The following WWP2 variants were observed in gnomAD, a reference collection of about 807,000 sequenced individuals.
WWP2 encodes WW domain containing E3 ubiquitin protein ligase 2, also known as NEDD4-like E3 ubiquitin-protein ligase WWP2.
In WWP2, 57 loss-of-function variants were observed where a neutral mutation model predicts 121.0. The ratio of observed to expected loss-of-function variants is 0.47; its 90% CI spans 0.38 to 0.59. The LOEUF (loss-of-function observed/expected upper bound fraction) is 0.59. Among genes scored for constraint, WWP2 ranks in the 20% least tolerant of loss-of-function variants. The probability of loss-of-function intolerance (pLI) is 0.00; values close to 1 mark genes in which losing one functional copy is unlikely to be tolerated. For missense variants in WWP2, 962 were observed against 1,158.9 expected, an observed-to-expected ratio of 0.83 and a Z score of 2.47; for synonymous variants, 449 against 441.3, an observed-to-expected ratio of 1.02 and a Z score of -0.22.
chr16:69,778,724 G>A (rs899078279), intron 1 of WWP2, among the ~76,000 whole-genome samples: 7 of 144,574 alleles, frequency 4.8e-5, no homozygotes, highest in Non-Finnish European at 1.1e-4. Context: ...TCACTGCAAC[G>A]TCCACCTCCC....
In WWP2 at chr16:69,931,555, C is replaced by T. The variant is rs766857670; in HGVS notation, c.1568C>T (p.Thr523Met). The stretch of plus-strand genomic sequence containing the variant: ...GTGAAGATCAGCGTTTCCAGGCAGA[C>T]GCTTTTCGAAGATTCCTTCCAACAG... ...SHVKISVSRQTLFEDSFQQIM... is the reference protein window; with the variant it reads ...SHVKISVSRQMLFEDSFQQIM... Residue 523 changes from threonine (T) to methionine (M), a missense_variant, in exon 15 of 24, where the codon ACG becomes ATG. Thr to Met is a moderately conservative substitution (Grantham distance 81). Coordinates refer to ENST00000359154, the MANE Select transcript of WWP2 (RefSeq NM_001270454.2). 21 of 1,613,602 alleles carry T rather than the reference C, an allele frequency of 1.3e-5. No homozygotes were observed. In the East Asian group the frequency reaches 2.2e-4, roughly 17 times the overall value.
chr16:69,797,106 C>T (rs966633262), intron 2 of WWP2, among the ~76,000 whole-genome samples: 2 of 152,150 alleles, frequency 1.3e-5, no homozygotes, highest in Admixed American at 6.6e-5. Context: ...AGCGACCTGG[C>T]GTTTCCACCA....
At chr16:69,891,088 G>A (rs1000098105) in intron 8 of WWP2, among the ~76,000 whole-genome samples, 2 of 152,120 alleles carry the variant, frequency 1.3e-5, no homozygotes, top group African/African-American at 2.4e-5. Context: ...CCTGGAGATC[G>A]TCAGCCACCT....
Position 69,769,627 on chromosome 16 carries a change from C to T in WWP2, c.-16+7236C>T, listed in dbSNP as rs1408105935. 2.6e-5 allele frequency among the ~76,000 whole-genome samples: 4 copies of T among 152,124 alleles called. No homozygotes were observed. In the South Asian group the frequency reaches 6.2e-4, roughly 24 times the overall value. On this transcript the variant is annotated intron_variant, in intron 1 of 23. Coordinates refer to ENST00000359154, the MANE Select transcript of WWP2 (RefSeq NM_001270454.2). ...ATGCCAGAGCCAAGAATTTCAGTAT[C>T]GAGAAGTGGTTTTGTTTGTAGTTGA...
chr16:69,924,697 A>AC (rs1321323020), intron 10 of WWP2, among the ~76,000 whole-genome samples: 5 of 64,372 alleles, frequency 7.8e-5, no homozygotes, highest in South Asian at 5.7e-4. Flanking sequence ...CAGCCCCAAC[A>AC]CCCCCCACCC....
At chr16:69,819,948 G>T (rs1025711905) in intron 4 of WWP2, among the ~76,000 whole-genome samples, 6 of 152,080 alleles carry the variant, frequency 3.9e-5, no homozygotes, top group African/African-American at 1.4e-4. Context: ...TTATAGAAAT[G>T]GAATCATACA....
chr16:69,871,047 A>T (rs1355880617), intron 6 of WWP2, among the ~76,000 whole-genome samples: 1 of 152,100 alleles, frequency 6.6e-6, no homozygotes, highest in African/African-American at 2.4e-5. Context: ...GCACTTTGGG[A>T]GGCTGAGGTG....
intron 7 of WWP2, among the ~76,000 whole-genome samples, chr16:69,885,870 T>C (rs1393589175): frequency 6.6e-6 from 1 of 152,210 alleles, no homozygotes; most frequent in Non-Finnish European, 1.5e-5. Context: ...CTGGAAATGT[T>C]ACCTGGTATT....
intron 3 of WWP2, 72 bp downstream of exon 3, chr16:69,798,901 G>A: frequency 6.3e-7 from 1 of 1,578,018 alleles, no homozygotes; most frequent in Non-Finnish European, 8.6e-7. Flanking sequence ...GGGGGTTGTG[G>A]GAGGTACAGA....
chr16:69,844,732 C>A (rs1318286470), intron 6 of WWP2, among the ~76,000 whole-genome samples: 1 of 152,168 alleles, frequency 6.6e-6, no homozygotes, highest in African/African-American at 2.4e-5. Flanking sequence ...TACTGGTGAG[C>A]AAGGTACCTT....
intron 6 of WWP2, among the ~76,000 whole-genome samples, chr16:69,852,951 T>C (rs1490196411): frequency 6.7e-6 from 1 of 150,330 alleles, no homozygotes; most frequent in Non-Finnish European, 1.5e-5. Flanking sequence ...TTTGGCTCTT[T>C]GCAGAAAGTT....
At chr16:69,774,743 G>C (rs923099993) in intron 1 of WWP2, 1 of 152,194 alleles carries the variant, frequency 6.6e-6, no homozygotes, top group Non-Finnish European at 1.5e-5. Flanking sequence ...GCCAAGGCAG[G>C]AGGATGGCTT....
At chr16:69,858,480 T>TG (rs544724499) in intron 6 of WWP2, among the ~76,000 whole-genome samples, 3 of 152,144 alleles carry the variant, frequency 2.0e-5, no homozygotes, top group African/African-American at 4.8e-5. Context: ...ACTCCTGAGA[T>TG]GCGATAATTT....
At chr16:69,812,566 T>A (rs1454341255) in intron 4 of WWP2, among the ~76,000 whole-genome samples, 1 of 147,194 alleles carries the variant, frequency 6.8e-6, no homozygotes, top group African/African-American at 2.5e-5. Flanking sequence ...GCAGCCTCTA[T>A]CTCCTGGGCT....
intron 6 of WWP2, among the ~76,000 whole-genome samples, chr16:69,868,102 A>G (rs1465995645): frequency 6.6e-6 from 1 of 152,188 alleles, no homozygotes; most frequent in Non-Finnish European, 1.5e-5. Flanking sequence ...TTTAAAGGTA[A>G]CACAAGAGCC....
Position 69,929,440 on chromosome 16 carries a change from T to C in WWP2, c.1235-8T>C, listed in dbSNP as rs1443656305. ...ATCTGATGTTCTTTCTTTCTTCTCA[T>C]GTGGCAGAGAAGAGACAGGACAATG... On this transcript the variant is annotated splice_region_variant and splice_polypyrimidine_tract_variant and intron_variant, in intron 11 of 23. Coordinates refer to ENST00000359154, the MANE Select transcript of WWP2 (RefSeq NM_001270454.2). 2 of 1,612,028 alleles carry C rather than the reference T, an allele frequency of 1.2e-6. No individual in the cohort carries two copies. Among genetic ancestry groups the C allele is most frequent in the East Asian group, 2.2e-5 (1 of 44,870 alleles).
chr16:69,935,667 A>G lies in WWP2; in HGVS notation c.1843-186A>G, dbSNP rs1219845049. Among the ~76,000 whole-genome samples, 2 of 152,180 alleles carry G rather than the reference A, an allele frequency of 1.3e-5. No homozygotes were observed. The highest frequency in any genetic ancestry group is 2.9e-5 in the Non-Finnish European group (2 of 68,034). On this transcript the variant is annotated intron_variant, in intron 17 of 23. Transcript: ENST00000359154. This position sits in a 1 kb window ranked among gnomAD's most constrained non-coding sequence, Gnocchi z 5.2. ...AGGGTGGGAGTCCCTCTGTAGGTAC[A>G]AGTCAGGATAAAGGCGTTGTTTACT...
intron 4 of WWP2, among the ~76,000 whole-genome samples, chr16:69,806,371 G>A (rs2056274698): frequency 1.3e-5 from 2 of 152,100 alleles, no homozygotes; most frequent in Admixed American, 6.6e-5. Context: ...GTGGTAATTT[G>A]TCTGTAGCTT....
At chr16:69,862,490 A>G (rs560527319) in intron 6 of WWP2, among the ~76,000 whole-genome samples, 1 of 151,948 alleles carries the variant, frequency 6.6e-6, no homozygotes, top group Non-Finnish European at 1.5e-5. Context: ...ACCTCAGGCA[A>G]TCCAACCACC....
Sources: allele counts gnomAD v4.1 joint callset (sites outside exome capture counted in the v4.1 genomes callset), GRCh38; gene constraint gnomAD v4.1.1; non-coding constraint Gnocchi (gnomAD v3.1); transcripts MANE v1.5; gene names NCBI Gene and HGNC (gene_info 2026-07-23, HGNC 2026-07-21).